Variants in NAALADL2 observed in about 807,000 individuals in gnomAD.
The protein encoded by NAALADL2 is N-acetylated alpha-linked acidic dipeptidase like 2.
Under a neutral mutation model 87.2 loss-of-function variants are expected in NAALADL2, and 76 were observed. That is an observed-to-expected ratio of 0.87 (90% CI 0.72 to 1.05). NAALADL2 has a LOEUF of 1.05. NAALADL2 is among the 50% of genes least tolerant of loss of function. The probability of loss-of-function intolerance (pLI) is 0.00; values close to 1 mark genes in which losing one functional copy is unlikely to be tolerated. For synonymous variants in NAALADL2, 354 were observed against 331.0 expected, an observed-to-expected ratio of 1.07 and a Z score of -0.75; for missense variants, 1,089 against 945.8, an observed-to-expected ratio of 1.15 and a Z score of -1.99.
intron 1 of NAALADL2, among the ~76,000 whole-genome samples, chr3:174,984,317 G>A (rs1745524885): frequency 1.3e-5 from 2 of 152,180 alleles, no homozygotes; most frequent in Admixed American, 1.3e-4. Flanking sequence ...GGTAGCAAAA[G>A]TGTGCCTGAA....
chr3:175,050,916 G>T (rs1755299920), intron 1 of NAALADL2, among the ~76,000 whole-genome samples: 1 of 152,070 alleles, frequency 6.6e-6, no homozygotes, highest in Admixed American at 6.5e-5. Context: ...AACTAGGGTT[G>T]TTTTACTTGA....
intron 1 of NAALADL2, among the ~76,000 whole-genome samples, chr3:175,087,169 C>G (rs1370487071): frequency 6.6e-6 from 1 of 152,198 alleles, no homozygotes; most frequent in Non-Finnish European, 1.5e-5. Context: ...TTGTTTCTCC[C>G]TTTTCGTATG....
chr3:175,662,397 T>A (rs1420645094), intron 11 of NAALADL2, among the ~76,000 whole-genome samples: 1 of 151,964 alleles, frequency 6.6e-6, no homozygotes, highest in Non-Finnish European at 1.5e-5. Flanking sequence ...ATGGATTCTT[T>A]TAAGTTTTTC....
intron 3 of NAALADL2, among the ~76,000 whole-genome samples, chr3:175,248,009 C>G (rs1748309850): frequency 6.6e-6 from 1 of 152,204 alleles, no homozygotes; most frequent in Non-Finnish European, 1.5e-5. Flanking sequence ...TTTATAGAAT[C>G]AGCTCTGCAC....
At chr3:175,027,574 A>T (rs578220421) in intron 1 of NAALADL2, among the ~76,000 whole-genome samples, 1 of 152,176 alleles carries the variant, frequency 6.6e-6, no homozygotes, top group African/African-American at 2.4e-5. Context: ...GTTCCAAATT[A>T]GAATGACTTA....
At chr3:175,579,334 G>T in intron 10 of NAALADL2, among the ~76,000 whole-genome samples, 1 of 151,988 alleles carries the variant, frequency 6.6e-6, no homozygotes, top group Non-Finnish European at 1.5e-5. Flanking sequence ...GTGCAATAGA[G>T]GCCAATTTTT....
At chr3:175,206,970 G>A (rs1741032547) in intron 2 of NAALADL2, among the ~76,000 whole-genome samples, 1 of 152,118 alleles carries the variant, frequency 6.6e-6, no homozygotes. Flanking sequence ...ATGCGAATAT[G>A]TCACACTGGA....
chr3:175,732,270 G>A (rs1457446997), intron 11 of NAALADL2, among the ~76,000 whole-genome samples: 1 of 152,108 alleles, frequency 6.6e-6, no homozygotes, highest in African/African-American at 2.4e-5. Context: ...CATGATGGGG[G>A]GGATGCATAG....
chr3:175,755,116 T>G, intron 12 of NAALADL2, 104 bp from the exon 13 acceptor site: 1 of 894,416 alleles, frequency 1.1e-6, no homozygotes, highest in Non-Finnish European at 1.7e-6. Context: ...CTCTTCCTTC[T>G]TCAGTGGTCT....
chr3:174,830,898 GCT>G (rs1722600299), intron 3 of NAALADL2, among the ~76,000 whole-genome samples: 1 of 151,204 alleles, frequency 6.6e-6, no homozygotes, highest in South Asian at 2.1e-4. Context: ...TCATGATTTG[GCT>G]CTCTGTTTGT....
chr3:174,805,724 A>G (rs1719390427), intron 3 of NAALADL2, among the ~76,000 whole-genome samples: 1 of 152,144 alleles, frequency 6.6e-6, no homozygotes, highest in Admixed American at 6.6e-5. Flanking sequence ...ATATTGGAGA[A>G]CCCAATGAAT....
intron 1 of NAALADL2, among the ~76,000 whole-genome samples, chr3:175,005,818 CT>C (rs927216629): frequency 2.6e-5 from 4 of 152,006 alleles, no homozygotes; most frequent in Non-Finnish European, 5.9e-5. Flanking sequence ...CAAAAAGTTG[CT>C]TTTTTGCTTT....
intron 13 of NAALADL2, among the ~76,000 whole-genome samples, chr3:175,792,123 CACA>C (rs1374339065): frequency 1.3e-5 from 2 of 151,820 alleles, no homozygotes; most frequent in Non-Finnish European, 2.9e-5. Flanking sequence ...AAATTAAAAC[CACA>C]ACATTTTCAT....
At chr3:175,725,188 T>C (rs1210138115) in intron 11 of NAALADL2, among the ~76,000 whole-genome samples, 1 of 152,118 alleles carries the variant, frequency 6.6e-6, no homozygotes, top group African/African-American at 2.4e-5. Flanking sequence ...GTGCATTATG[T>C]ATGCTTGTTA....
chr3:175,119,055 A>G (rs952751857), intron 2 of NAALADL2, among the ~76,000 whole-genome samples: 10 of 101,374 alleles, frequency 9.9e-5, no homozygotes, highest in African/African-American at 4.6e-4. Flanking sequence ...AATTGCATTT[A>G]TACGTTTTTT....
At chr3:175,564,293 A>T (rs1210701005) in intron 9 of NAALADL2, among the ~76,000 whole-genome samples, 2 of 152,124 alleles carry the variant, frequency 1.3e-5, no homozygotes, top group Non-Finnish European at 2.9e-5. Flanking sequence ...ACGCAAAATA[A>T]TTTGAAATGT....
intron 2 of NAALADL2, among the ~76,000 whole-genome samples, chr3:175,232,907 A>AAG (rs1553824354): frequency 9.2e-5 from 14 of 152,018 alleles, no homozygotes; most frequent in South Asian, 2.1e-4. Flanking sequence ...ATTAAAAAAA[A>AAG]ACTTTCTCAG....
At chr3:175,221,643 C>T (rs1368436134) in intron 2 of NAALADL2, among the ~76,000 whole-genome samples, 1 of 152,040 alleles carries the variant, frequency 6.6e-6, no homozygotes, top group African/African-American at 2.4e-5. Context: ...GATATCAGGA[C>T]AATATATCTG....
At chr3:175,052,322 A>G (rs567776305) in intron 1 of NAALADL2, among the ~76,000 whole-genome samples, 18 of 152,348 alleles carry the variant, frequency 1.2e-4, no homozygotes, top group African/African-American at 4.3e-4. Context: ...AACATGTCAC[A>G]GTGCTGCAGA....
Sources: allele counts gnomAD v4.1 joint callset (sites outside exome capture counted in the v4.1 genomes callset), GRCh38; gene constraint gnomAD v4.1.1; transcripts MANE v1.5; gene names NCBI Gene and HGNC (gene_info 2026-07-23, HGNC 2026-07-21).